NTM: variants seen among roughly 807,000 people sequenced by gnomAD.
NTM encodes IgLON family member 2.
Under a neutral mutation model 42.1 loss-of-function variants are expected in NTM, and 13 were observed. The ratio of observed to expected loss-of-function variants is 0.31; its 90% confidence interval spans 0.20 to 0.49. NTM has a LOEUF of 0.49. NTM is among the 20% of genes least tolerant of loss of function. NTM has a pLI of 0.99. For missense variants in NTM, 373 were observed against 452.8 expected (o/e 0.82, Z 1.60); for synonymous variants, 187 against 179.2 (o/e 1.04, Z -0.35).
Position 131,733,142 on chromosome 11 carries a change from G to A in NTM, c.83-178422G>A, listed in dbSNP as rs150966016. Among the ~76,000 whole-genome samples the A allele has an allele frequency of 9.9e-3, 1,500 of 151,812 alleles. 91 individuals are homozygous for A. Among genetic ancestry groups the A allele is most frequent in the Admixed American group, 0.091 (1,391 of 15,232 alleles). ...TTTGTCTATGTTAATGATTATTTTC[G>A]GAATAACTTATTGACAAATATTAAC... On this transcript the variant is annotated intron_variant, in intron 1 of 8. Transcript: ENST00000683400.
At chr11:131,758,220 A>G (rs939535632) in intron 1 of NTM, among the ~76,000 whole-genome samples, 12 of 151,548 alleles carry the variant, frequency 7.9e-5, no homozygotes, top group Non-Finnish European at 1.3e-4. Flanking sequence ...CATTCTTTTC[A>G]TTTTCTTTTT....
At chr11:132,027,103 G>A (rs796977552) in intron 2 of NTM, among the ~76,000 whole-genome samples, 22 of 152,324 alleles carry the variant, frequency 1.4e-4, no homozygotes, top group African/African-American at 5.3e-4. Context: ...AAAAAGCAGA[G>A]TTTACTGACT....
intron 1 of NTM, among the ~76,000 whole-genome samples, chr11:131,531,016 G>A (rs1326066325): frequency 2.6e-5 from 4 of 152,270 alleles, no homozygotes; most frequent in South Asian, 2.1e-4. Context: ...TGCCTGCCAC[G>A]AGCAACGGCT....
At chr11:131,935,507 T>C (rs1033710287) in intron 2 of NTM, among the ~76,000 whole-genome samples, 1 of 152,076 alleles carries the variant, frequency 6.6e-6, no homozygotes, top group Non-Finnish European at 1.5e-5. Context: ...CTGGTGGAGT[T>C]ATGTTGGAAT....
intron 1 of NTM, among the ~76,000 whole-genome samples, chr11:131,831,337 A>G (rs186187455): frequency 8.9e-4 from 135 of 152,320 alleles, no homozygotes; most frequent in African/African-American, 2.9e-3. Context: ...AATCTGATGC[A>G]TGTTGAAGTC....
intron 1 of NTM, among the ~76,000 whole-genome samples, chr11:131,672,469 C>T (rs2070489983): frequency 6.6e-6 from 1 of 152,222 alleles, no homozygotes; most frequent in African/African-American, 2.4e-5. Flanking sequence ...CCGCATCAGA[C>T]ACCCCGACAG....
At chr11:132,195,876 C>T (rs2080128887) in intron 3 of NTM, among the ~76,000 whole-genome samples, 2 of 152,130 alleles carry the variant, frequency 1.3e-5, no homozygotes, top group Non-Finnish European at 2.9e-5. Flanking sequence ...AAGAAAATAT[C>T]CTCCTGGACA....
chr11:131,498,312 T>C (rs547409761), intron 1 of NTM, among the ~76,000 whole-genome samples: 94 of 152,312 alleles, frequency 6.2e-4, no homozygotes, highest in Admixed American at 1.8e-3. Context: ...GAGGTAAGGA[T>C]ATTACCCACC....
chr11:131,795,315 C>A, intron 1 of NTM: 1 of 816,998 alleles, frequency 1.2e-6, no homozygotes, highest in Non-Finnish European at 1.5e-6. Context: ...ATGCAGTGCC[C>A]AGGCGCTCCT....
chr11:132,313,033 A>G (rs751742701), intron 6 of NTM, among the ~76,000 whole-genome samples: 1 of 152,184 alleles, frequency 6.6e-6, no homozygotes, highest in Non-Finnish European at 1.5e-5. Flanking sequence ...CTGGAGGCAG[A>G]TGTTGGGTGA....
chr11:131,691,664 C>T (rs756916642), intron 1 of NTM, among the ~76,000 whole-genome samples: 2 of 152,156 alleles, frequency 1.3e-5, no homozygotes, highest in Non-Finnish European at 2.9e-5. Context: ...AGATGGCAAC[C>T]CCAGGGCGCA....
Position 131,402,608 on chromosome 11 carries a change from G to A in NTM, c.82+31720G>A, listed in dbSNP as rs1008297731. On this transcript the variant is annotated intron_variant, in intron 1 of 8. Transcript: ENST00000683400. ...AGTCCAGCCATCAGCTCCCTCGTGC[G>A]TGCCCACTCAGAATGGAAAGATATA... Among the ~76,000 whole-genome samples, 17 of 152,218 alleles carry A rather than the reference G, an allele frequency of 1.1e-4. No individual in the cohort carries two copies. In the South Asian group the frequency reaches 1.2e-3, roughly 11 times the overall value.
At chr11:132,282,533 G>A (rs963354519) in intron 4 of NTM, among the ~76,000 whole-genome samples, 4 of 152,098 alleles carry the variant, frequency 2.6e-5, no homozygotes, top group Non-Finnish European at 4.4e-5. Context: ...ACAGAAATAC[G>A]CTCCCCGAGT....
At chr11:131,671,478 A>G (rs1204758772) in intron 1 of NTM, 1 of 985,240 alleles carries the variant, frequency 1.0e-6, no homozygotes, top group Non-Finnish European at 1.2e-6. Context: ...AATGTGGTTG[A>G]ATCAGTGTTA....
At chr11:132,018,434 A>G (rs1276864011) in intron 2 of NTM, among the ~76,000 whole-genome samples, 1 of 151,990 alleles carries the variant, frequency 6.6e-6, no homozygotes, top group Non-Finnish European at 1.5e-5. Flanking sequence ...TTCATTTTAA[A>G]TCATGAATGT....
intron 1 of NTM, among the ~76,000 whole-genome samples, chr11:131,445,616 T>C (rs1186903393): frequency 6.6e-6 from 1 of 152,034 alleles, no homozygotes; most frequent in Admixed American, 6.6e-5. Flanking sequence ...GAGAGAGACA[T>C]GGAAGTGTTT....
intron 4 of NTM, among the ~76,000 whole-genome samples, chr11:132,271,667 G>A (rs763298210): frequency 2.0e-5 from 3 of 150,570 alleles, no homozygotes; most frequent in Non-Finnish European, 3.0e-5. Flanking sequence ...TGTTTTTGAT[G>A]TTCTTATTGG....
At chr11:132,166,993 G>C (rs1012577158) in intron 3 of NTM, among the ~76,000 whole-genome samples, 4 of 152,172 alleles carry the variant, frequency 2.6e-5, no homozygotes, top group Non-Finnish European at 5.9e-5. Flanking sequence ...TCCCACTCAT[G>C]CAGTTAGACC....
chr11:131,423,990 G>C (rs1461269518), intron 1 of NTM, among the ~76,000 whole-genome samples: 4 of 152,164 alleles, frequency 2.6e-5, no homozygotes, highest in Non-Finnish European at 5.9e-5. Flanking sequence ...TGACCAGCTG[G>C]TTAGGGAGGT....
Sources: gnomAD v4.1 joint callset for allele counts (sites outside exome capture counted in the v4.1 genomes callset) on GRCh38, gnomAD v4.1.1 for gene constraint, MANE v1.5 for transcripts, NCBI Gene and HGNC (gene_info 2026-07-23, HGNC 2026-07-21) for gene names.